PSG5: variants seen among roughly 807,000 people sequenced by gnomAD.
The protein encoded by PSG5 is pregnancy-specific beta-1-glycoprotein 5.
PSG5 carries 53 observed loss-of-function variants against 37.7 expected under a neutral mutation model. The ratio of observed to expected loss-of-function variants is 1.41; its 90% confidence interval spans 1.13 to 1.77. The LOEUF is 1.77. PSG5 is among the 40% of genes most tolerant of loss of function. The pLI is 0.00. For synonymous variants in PSG5, 221 were observed against 155.4 expected (o/e 1.42, Z -3.14); for missense variants, 547 against 405.2 (o/e 1.35, Z -3.00).
At position 43,167,776 on chromosome 19, in the gene PSG5, A is replaced by C. The variant is rs540474220; in HGVS notation, c.*468T>G. On this transcript the variant is annotated 3_prime_UTR_variant, in exon 6 of 6. Transcript: ENST00000342951. ...TGCAGATAACTTTATTACCATAAACATATGAATACTCATGAATAGTTTCCC... is the reference window on the plus strand; with the variant it reads ...TGCAGATAACTTTATTACCATAAACCTATGAATACTCATGAATAGTTTCCC... The C allele has an allele frequency of 8.6e-5, 17 of 197,874 alleles. No individual in the cohort carries two copies. The highest frequency in any genetic ancestry group is 4.4e-4 in the East Asian group (4 of 9,020). 12.3% of individuals were successfully genotyped at this position (197,874 alleles called of 1,614,324 possible).
chr19:43,182,127 G>A (rs1267099580), intron 2 of PSG5, among the ~76,000 whole-genome samples: 1 of 151,630 alleles, frequency 6.6e-6, no homozygotes, highest in African/African-American at 2.4e-5. Context: ...TTTAATTTAT[G>A]GTTTGACTTT....
rs1175246106 is a variant in PSG5, at chr19:43,186,436, G to C, written c.-31C>G. 4.3e-6 allele frequency: 7 copies of C among 1,611,166 alleles called. No individual in the cohort carries two copies. Among genetic ancestry groups the C allele is most frequent in the Non-Finnish European group, 5.9e-6 (7 of 1,178,300 alleles). ...CTGCGCCTGCGTGTTCTCCTCTGTG[G>C]AGCTGAGCCTAGGATCCAGAAACTT... On this transcript the variant is annotated 5_prime_UTR_variant, in exon 1 of 6. Coordinates refer to ENST00000342951, the MANE Select transcript of PSG5 (RefSeq NM_002781.4).
chr19:43,180,216 T>C (rs1482286563), intron 2 of PSG5: 3 of 151,404 alleles, frequency 2.0e-5, no homozygotes, highest in African/African-American at 4.9e-5. Context: ...GGGAATAGGG[T>C]GTTGTTCCAT....
intron 3 of PSG5, 33 bp from the exon 4 acceptor site, chr19:43,175,502 T>A: frequency 6.3e-7 from 1 of 1,579,106 alleles, no homozygotes; most frequent in South Asian, 1.2e-5. Flanking sequence ...ACAGGTGATG[T>A]CATCCAAGGG....
At chr19:43,186,118 A>T (rs1323766289) in intron 1 of PSG5, among the ~76,000 whole-genome samples, 1 of 151,196 alleles carries the variant, frequency 6.6e-6, no homozygotes, top group East Asian at 1.9e-4. Context: ...CTAGGATTCC[A>T]AGAGCACACC....
chr19:43,180,674 A>G (rs1969109597), intron 2 of PSG5: 1 of 151,810 alleles, frequency 6.6e-6, no homozygotes, highest in South Asian at 2.1e-4. Flanking sequence ...CCAAACATCT[A>G]AGATCAATTG....
intron 5 of PSG5, among the ~76,000 whole-genome samples, chr19:43,168,508 A>G (rs1968835089): frequency 6.6e-6 from 1 of 151,368 alleles, no homozygotes; most frequent in Non-Finnish European, 1.5e-5. Context: ...AACTGGGACT[A>G]CAGGTGCCTG....
At chr19:43,177,529 C>T (rs1334416480) in intron 2 of PSG5, among the ~76,000 whole-genome samples, 1 of 150,444 alleles carries the variant, frequency 6.6e-6, no homozygotes, top group African/African-American at 2.5e-5. Context: ...TATCTCACCA[C>T]GTTTCTACCA....
At chr19:43,172,468 T>G (rs1968926376) in intron 4 of PSG5, among the ~76,000 whole-genome samples, 1 of 151,808 alleles carries the variant, frequency 6.6e-6, no homozygotes, top group South Asian at 2.1e-4. Flanking sequence ...ACAGATAACT[T>G]GAACTTATAT....
chr19:43,179,126 G>A, intron 2 of PSG5: 5 of 1,602,104 alleles, frequency 3.1e-6, no homozygotes, highest in Non-Finnish European at 3.4e-6. Flanking sequence ...GGTTTAAGTT[G>A]CTACTGGAGA....
chr19:43,170,407 G>T (rs111459823), intron 4 of PSG5: 1 of 467,006 alleles, frequency 2.1e-6, no homozygotes, highest in Non-Finnish European at 3.8e-6. Flanking sequence ...AAGGCTGATT[G>T]CTATTTTCTA....
intron 1 of PSG5, 103 bp downstream of exon 1, chr19:43,186,239 G>A: frequency 1.9e-6 from 3 of 1,570,162 alleles, no homozygotes; most frequent in South Asian, 1.1e-5. Context: ...TCCTCCCAAA[G>A]TGCTGGCTTC....
intron 2 of PSG5, among the ~76,000 whole-genome samples, chr19:43,176,899 C>T (rs1399290477): frequency 6.6e-6 from 1 of 151,262 alleles, no homozygotes; most frequent in African/African-American, 2.4e-5. Context: ...TTTAAGTTTC[C>T]TCTCCTTCTG....
chr19:43,172,238 C>A (rs1968922196), intron 4 of PSG5, among the ~76,000 whole-genome samples: 1 of 151,296 alleles, frequency 6.6e-6, no homozygotes, highest in South Asian at 2.1e-4. Context: ...TAGAAGGAAA[C>A]CACCTCAACA....
In PSG5 at chr19:43,173,598, A is replaced by C. The variant is rs534694268; in HGVS notation, c.964+1617T>G. ...ATACAAATATCCAATAAGCCCATGC[A>C]AAGTTCCTCAGCATCACGAATACTT... is the stretch of plus-strand genomic sequence containing the variant. On this transcript the variant is annotated intron_variant, in intron 4 of 5. Coordinates refer to ENST00000342951, the MANE Select transcript of PSG5 (RefSeq NM_002781.4). Among the ~76,000 whole-genome samples, 80 of 151,818 alleles carry C rather than the reference A, an allele frequency of 5.3e-4. 1 individual carries two copies. Among genetic ancestry groups the C allele is most frequent in the African/African-American group, 1.8e-3 (74 of 41,288 alleles).
chr19:43,176,225 G>A (rs1272358297), intron 2 of PSG5, 77 bp from the exon 3 acceptor site: 4 of 1,572,592 alleles, frequency 2.5e-6, no homozygotes, highest in East Asian at 2.2e-5. Flanking sequence ...ATCAGAGTTG[G>A]CATCTCCCAC....
chr19:43,175,684 T>G (rs1968993484), intron 3 of PSG5, 186 bp downstream of exon 3: 2 of 1,400,164 alleles, frequency 1.4e-6, no homozygotes, highest in African/African-American at 2.9e-5. Flanking sequence ...GAGCGCCCCC[T>G]CCCCTTATAT....
Position 43,184,811 on chromosome 19 carries a change from A to G in PSG5, c.401T>C (p.Val134Ala). Residue 134 changes from valine to alanine, a missense_variant, in exon 2 of 6, where the codon GTA (valine) becomes GCA (alanine). Transcript: ENST00000342951. The part of the protein sequence containing the change: ...IIKRGDRTRG[V>A]TGYFTFNLYL... ...TAAGTTGAAGGTGAAATATCCAGTT[A>G]CTCCTCTAGTCCTATCACCTCGCTT... is the stretch of plus-strand genomic sequence containing the variant. 6.2e-7 allele frequency: 1 copy of G among 1,611,474 alleles called. No homozygotes were observed. The highest frequency in any genetic ancestry group is 8.5e-7 in the Non-Finnish European group (1 of 1,178,842).
At chr19:43,175,493 C>A in intron 3 of PSG5, 24 bp from the exon 4 acceptor site, 1 of 1,584,270 alleles carries the variant, frequency 6.3e-7, no homozygotes, top group Non-Finnish European at 8.6e-7. Flanking sequence ...AATGAAGCCA[C>A]AGGTGATGTC....
Sources: allele counts gnomAD v4.1 joint callset (sites outside exome capture counted in the v4.1 genomes callset), GRCh38; gene constraint gnomAD v4.1.1; transcripts MANE v1.5; gene names NCBI Gene and HGNC (gene_info 2026-07-23, HGNC 2026-07-21).